NKAIN2: variants seen among roughly 807,000 people sequenced by gnomAD.
NKAIN2 encodes the protein sodium/potassium transporting ATPase interacting 2.
Under a neutral mutation model 32.6 loss-of-function variants are expected in NKAIN2, and 14 were observed. The observed-to-expected ratio is 0.43, with a 90% CI of 0.28 to 0.67. The LOEUF (loss-of-function observed/expected upper bound fraction) is 0.67. Ranked by LOEUF, NKAIN2 falls within the 30% of genes least tolerant of loss-of-function variation. The probability of loss-of-function intolerance (pLI) is 0.17; values close to 1 mark genes in which losing one functional copy is unlikely to be tolerated. For synonymous variants in NKAIN2, 80 were observed against 87.2 expected, an observed-to-expected ratio of 0.92 and a Z score of 0.46; for missense variants, 198 against 258.3, an observed-to-expected ratio of 0.77 and a Z score of 1.60.
chr6:124,117,111 G>C (rs968322827), intron 1 of NKAIN2, among the ~76,000 whole-genome samples: 1 of 151,686 alleles, frequency 6.6e-6, no homozygotes, highest in South Asian at 2.1e-4. Context: ...AGAGGTAAAG[G>C]TGGGATGAAT....
intron 1 of NKAIN2, among the ~76,000 whole-genome samples, chr6:124,276,628 T>C (rs1795047645): frequency 6.6e-6 from 1 of 152,322 alleles, no homozygotes; most frequent in African/African-American, 2.4e-5. Flanking sequence ...ACAGAGAATC[T>C]TAAAAGGAGA....
At chr6:124,659,095 C>T (rs1784650485) in intron 4 of NKAIN2, 1 of 151,862 alleles carries the variant, frequency 6.6e-6, no homozygotes, top group Non-Finnish European at 1.5e-5. Context: ...ATTAAAACAC[C>T]TCTTTCTCAA....
At chr6:124,505,419 C>T (rs941570023) in intron 3 of NKAIN2, among the ~76,000 whole-genome samples, 1 of 152,288 alleles carries the variant, frequency 6.6e-6, no homozygotes, top group East Asian at 1.9e-4. Context: ...AGGAAAAAGA[C>T]ATCTAAATGC....
intron 1 of NKAIN2, among the ~76,000 whole-genome samples, chr6:124,099,469 G>T (rs533272262): frequency 6.6e-6 from 1 of 152,316 alleles, no homozygotes; most frequent in East Asian, 1.9e-4. Context: ...TGTGACACTG[G>T]ATATGACATG....
At chr6:124,257,230 T>A (rs1174899134) in intron 1 of NKAIN2, among the ~76,000 whole-genome samples, 1 of 152,054 alleles carries the variant, frequency 6.6e-6, no homozygotes, top group African/African-American at 2.4e-5. Context: ...GGTAAAACAT[T>A]CTCTGGGAAT....
intron 4 of NKAIN2, among the ~76,000 whole-genome samples, chr6:124,743,878 A>G (rs540524837): frequency 6.6e-6 from 1 of 151,972 alleles, no homozygotes; most frequent in South Asian, 2.1e-4. Context: ...ATTGATATAG[A>G]CCAAAGCTAG....
intron 3 of NKAIN2, among the ~76,000 whole-genome samples, chr6:124,420,648 C>T (rs1052093628): frequency 2.6e-5 from 4 of 152,048 alleles, no homozygotes; most frequent in Admixed American, 2.0e-4. Flanking sequence ...TTTGAATGTT[C>T]CAACATTATC....
rs183979510 is a variant in NKAIN2, at chr6:124,574,754, C to T, written c.274-83432C>T. Among the ~76,000 whole-genome samples, 13 of 152,302 alleles carry T rather than the reference C, an allele frequency of 8.5e-5. No individual in the cohort carries two copies. In the East Asian group the frequency reaches 2.1e-3, roughly 25 times the overall value. ...GCAAGTGCCATCTTGGGCTACTTAACGTTTCATTGCCTGAATTTTCTCATC... is the reference window on the plus strand; with the variant it reads ...GCAAGTGCCATCTTGGGCTACTTAATGTTTCATTGCCTGAATTTTCTCATC... On this transcript the variant is annotated intron_variant, in intron 3 of 6. Coordinates refer to ENST00000368417, the MANE Select transcript of NKAIN2 (RefSeq NM_001040214.3).
At chr6:124,679,760 A>T (rs943131798) in intron 4 of NKAIN2, among the ~76,000 whole-genome samples, 2 of 152,160 alleles carry the variant, frequency 1.3e-5, no homozygotes, top group Non-Finnish European at 2.9e-5. Context: ...TATTTTTTTC[A>T]CAGAATAGGT....
chr6:124,449,499 T>C (rs1004361277), intron 3 of NKAIN2, among the ~76,000 whole-genome samples: 1 of 152,044 alleles, frequency 6.6e-6, no homozygotes, highest in African/African-American at 2.4e-5. Context: ...AACCTACAGA[T>C]TGAAAGGTCA....
chr6:124,314,546 C>T (rs1293533535), intron 2 of NKAIN2, among the ~76,000 whole-genome samples: 1 of 152,102 alleles, frequency 6.6e-6, no homozygotes, highest in Admixed American at 6.5e-5. Flanking sequence ...CAAATAAAGC[C>T]TGGGCTCCTC....
At chr6:124,308,049 G>A (rs1255116834) in intron 2 of NKAIN2, among the ~76,000 whole-genome samples, 2 of 152,038 alleles carry the variant, frequency 1.3e-5, no homozygotes, top group Non-Finnish European at 2.9e-5. Context: ...AGGTATACAT[G>A]TACCATGGTG....
At chr6:123,927,808 A>G (rs866420730) in intron 1 of NKAIN2, among the ~76,000 whole-genome samples, 1 of 152,152 alleles carries the variant, frequency 6.6e-6, no homozygotes, top group African/African-American at 2.4e-5. Context: ...GAGGAGAAGG[A>G]GGAGGGTCCA....
intron 1 of NKAIN2, among the ~76,000 whole-genome samples, chr6:124,039,228 G>A: frequency 6.6e-6 from 1 of 151,876 alleles, no homozygotes; most frequent in East Asian, 1.9e-4. Flanking sequence ...TTATATATAG[G>A]TCAATACATA....
chr6:124,346,382 G>A (rs556818080), intron 2 of NKAIN2, among the ~76,000 whole-genome samples: 116 of 152,166 alleles, frequency 7.6e-4, no homozygotes, highest in Non-Finnish European at 5.9e-5. Context: ...CAATTCCTGG[G>A]TATCCCTGTC....
chr6:124,327,907 T>G (rs898670394), intron 2 of NKAIN2, among the ~76,000 whole-genome samples: 1 of 152,198 alleles, frequency 6.6e-6, no homozygotes, highest in African/African-American at 2.4e-5. Context: ...GAATGAATCA[T>G]GGTTTTCCAT....
chr6:124,422,779 G>A (rs763135091), intron 3 of NKAIN2, among the ~76,000 whole-genome samples: 4 of 152,200 alleles, frequency 2.6e-5, no homozygotes, highest in Non-Finnish European at 4.4e-5. Flanking sequence ...CAGCAGTGCT[G>A]TGCTGAAGTT....
chr6:124,487,117 C>A (rs1333430809), intron 3 of NKAIN2, among the ~76,000 whole-genome samples: 1 of 151,878 alleles, frequency 6.6e-6, no homozygotes, highest in African/African-American at 2.4e-5. Context: ...AACTTAATGT[C>A]CATTTTCATT....
chr6:124,183,185 A>G (rs1450209455), intron 1 of NKAIN2, among the ~76,000 whole-genome samples: 1 of 152,052 alleles, frequency 6.6e-6, no homozygotes, highest in Non-Finnish European at 1.5e-5. Context: ...TCTCAACATA[A>G]AAGAGGCTGA....
Sources: allele counts gnomAD v4.1 joint callset (sites outside exome capture counted in the v4.1 genomes callset), GRCh38; gene constraint gnomAD v4.1.1; transcripts MANE v1.5; gene names NCBI Gene and HGNC (gene_info 2026-07-23, HGNC 2026-07-21).